Variants in PTPRM observed in about 807,000 individuals in gnomAD.
The protein encoded by PTPRM is protein tyrosine phosphatase receptor type M.
A neutral mutation model predicts 186.7 loss-of-function variants in PTPRM; 47 were observed. The observed-to-expected ratio is 0.25, with a 90% CI of 0.20 to 0.32. PTPRM has a LOEUF of 0.32. Among genes scored for constraint, PTPRM ranks in the 10% least tolerant of loss-of-function variants. PTPRM has a pLI of 1.00. For synonymous variants in PTPRM, 668 were observed against 674.9 expected (o/e 0.99, Z 0.16); for missense variants, 1,494 against 1,865.0 (o/e 0.80, Z 3.66).
At chr18:7,925,091 A>G (rs932400922) in intron 4 of PTPRM, among the ~76,000 whole-genome samples, 1 of 152,194 alleles carries the variant, frequency 6.6e-6, no homozygotes, top group Non-Finnish European at 1.5e-5. Context: ...ACCTTGTTCC[A>G]TTTTCTAAAA....
chr18:8,112,934 T>A (rs1243570280), intron 11 of PTPRM, among the ~76,000 whole-genome samples: 1 of 152,230 alleles, frequency 6.6e-6, no homozygotes, highest in Non-Finnish European at 1.5e-5. Flanking sequence ...TCTTATGCAT[T>A]TCTTTCCACT....
At chr18:7,664,484 A>G (rs916627570) in intron 1 of PTPRM, among the ~76,000 whole-genome samples, 4 of 152,158 alleles carry the variant, frequency 2.6e-5, no homozygotes, top group African/African-American at 9.7e-5. Flanking sequence ...GCTGGAGGAG[A>G]TGCTTCCAGG....
intron 2 of PTPRM, among the ~76,000 whole-genome samples, chr18:7,870,045 T>C (rs192998736): frequency 3.3e-4 from 51 of 152,328 alleles, no homozygotes; most frequent in Non-Finnish European, 5.7e-4. Context: ...TGGTGGACTT[T>C]GTCTTCAGGA....
chr18:8,234,498 T>G (rs1354987554), intron 14 of PTPRM, among the ~76,000 whole-genome samples: 2 of 152,190 alleles, frequency 1.3e-5, no homozygotes, highest in African/African-American at 4.8e-5. Context: ...CTTTCAGATT[T>G]TTTTACACAG....
At chr18:8,136,155 T>A (rs535281529) in intron 13 of PTPRM, among the ~76,000 whole-genome samples, 20 of 152,334 alleles carry the variant, frequency 1.3e-4, no homozygotes, top group Non-Finnish European at 2.4e-4. Flanking sequence ...CTGAACTACA[T>A]CACCTTCAAG....
intron 13 of PTPRM, among the ~76,000 whole-genome samples, chr18:8,134,576 G>A (rs1424739953): frequency 2.6e-5 from 4 of 152,050 alleles, no homozygotes; most frequent in Admixed American, 6.6e-5. Flanking sequence ...CCAGGATTAT[G>A]TGCATGCCAT....
At chr18:8,192,046 ATAT>A (rs1233562919) in intron 14 of PTPRM, among the ~76,000 whole-genome samples, 2 of 151,684 alleles carry the variant, frequency 1.3e-5, no homozygotes, top group Non-Finnish European at 2.9e-5. Context: ...AATAATATTG[ATAT>A]TATTATTCTA....
intron 24 of PTPRM, among the ~76,000 whole-genome samples, chr18:8,375,178 G>A (rs528627651): frequency 2.2e-4 from 33 of 152,244 alleles, no homozygotes; most frequent in South Asian, 8.3e-4. Context: ...AGAGCAAACC[G>A]TAAAGTCTCT....
intron 1 of PTPRM, among the ~76,000 whole-genome samples, chr18:7,720,178 A>G (rs2040420063): frequency 6.6e-6 from 1 of 152,210 alleles, no homozygotes; most frequent in African/African-American, 2.4e-5. Context: ...TTAATTCAAT[A>G]CTAATAAAAG....
intron 14 of PTPRM, among the ~76,000 whole-genome samples, chr18:8,168,852 T>A (rs913507234): frequency 6.6e-6 from 1 of 152,194 alleles, no homozygotes; most frequent in Non-Finnish European, 1.5e-5. Context: ...TCACTGGGCC[T>A]TATCATGGTG....
intron 13 of PTPRM, among the ~76,000 whole-genome samples, chr18:8,120,492 C>CTTTTT (rs199835832): frequency 7.2e-4 from 99 of 136,564 alleles, no homozygotes; most frequent in African/African-American, 1.2e-3. Context: ...TTCTTTCTTT[C>CTTTTT]TTTTTTTTTT....
chr18:7,984,208 A>C (rs2082708491), intron 7 of PTPRM, among the ~76,000 whole-genome samples: 1 of 152,002 alleles, frequency 6.6e-6, no homozygotes, highest in African/African-American at 2.4e-5. Context: ...AAATGCAACC[A>C]CCTTCTTGAG....
chr18:7,941,382 A>C (rs568225775), intron 5 of PTPRM, among the ~76,000 whole-genome samples: 2 of 152,312 alleles, frequency 1.3e-5, no homozygotes, highest in East Asian at 3.9e-4. Context: ...TTAGACAAAA[A>C]CCTGCTCCAC....
chr18:8,054,493 T>A (rs1363807172), intron 7 of PTPRM, among the ~76,000 whole-genome samples: 2 of 151,544 alleles, frequency 1.3e-5, no homozygotes, highest in Non-Finnish European at 2.9e-5. Flanking sequence ...TTACTGAAGG[T>A]ATTATCCTAT....
intron 19 of PTPRM, among the ~76,000 whole-genome samples, chr18:8,278,075 G>T (rs759016524): frequency 2.8e-4 from 43 of 152,138 alleles, no homozygotes; most frequent in Non-Finnish European, 5.1e-4. Flanking sequence ...TAGCTCTTTT[G>T]TGGCCAACCA....
At chr18:7,704,511 G>A (rs1003901568) in intron 1 of PTPRM, among the ~76,000 whole-genome samples, 2 of 152,002 alleles carry the variant, frequency 1.3e-5, no homozygotes, top group African/African-American at 4.8e-5. Context: ...GTGGGATCAG[G>A]GGTGATATTC....
chr18:7,615,894 C>A (rs529233265), intron 1 of PTPRM, among the ~76,000 whole-genome samples: 1 of 152,250 alleles, frequency 6.6e-6, no homozygotes, highest in South Asian at 2.1e-4. Flanking sequence ...AGTGACAGAT[C>A]ATCAGGGATT....
chr18:7,821,384 G>A lies in PTPRM; in HGVS notation c.196+47113G>A, dbSNP rs150667710. ...GGAAAAGACATTCTTGTTGCCGAAT[G>A]TGATAATGTGTTCTAGATGCCTATG... On this transcript the variant is annotated intron_variant, in intron 2 of 32. Transcript: ENST00000580170. 3.3e-5 allele frequency among the ~76,000 whole-genome samples: 5 copies of A among 152,242 alleles called. No individual in the cohort carries two copies. In the East Asian group the frequency reaches 9.7e-4, roughly 29 times the overall value.
intron 7 of PTPRM, among the ~76,000 whole-genome samples, chr18:8,065,656 T>C (rs2089009398): frequency 6.6e-6 from 1 of 152,182 alleles, no homozygotes; most frequent in Admixed American, 6.5e-5. Flanking sequence ...GGCTTTGCTA[T>C]CAATTCCATT....
Sources: allele counts gnomAD v4.1 joint callset (sites outside exome capture counted in the v4.1 genomes callset), GRCh38; gene constraint gnomAD v4.1.1; transcripts MANE v1.5; gene names NCBI Gene and HGNC (gene_info 2026-07-23, HGNC 2026-07-21).